The following ZBTB46 variants were observed in gnomAD, a reference collection of about 807,000 sequenced individuals.
The protein encoded by ZBTB46 is zinc finger and BTB domain-containing protein 46.
A neutral mutation model predicts 44.1 loss-of-function variants in ZBTB46; 8 were observed. The ratio of observed to expected loss-of-function variants is 0.18; its 90% CI spans 0.11 to 0.33. ZBTB46 has a LOEUF of 0.33. Ranked by LOEUF, ZBTB46 falls within the 10% of genes least tolerant of loss-of-function variation. ZBTB46 has a pLI of 1.00. For synonymous variants in ZBTB46, 409 were observed against 382.3 expected (o/e 1.07, Z -0.81); for missense variants, 651 against 847.7 (o/e 0.77, Z 2.88).
intron 1 of ZBTB46, among the ~76,000 whole-genome samples, chr20:63,809,512 C>G (rs980776910): frequency 7.2e-5 from 11 of 152,176 alleles, no homozygotes; most frequent in Non-Finnish European, 1.5e-4. Context: ...GTGGAGAGGA[C>G]TCCGGGAGAC....
intron 2 of ZBTB46, among the ~76,000 whole-genome samples, chr20:63,776,412 TCA>T (rs2092426195): frequency 6.6e-6 from 1 of 152,212 alleles, no homozygotes; most frequent in African/African-American, 2.4e-5. Context: ...CCGCATGATC[TCA>T]GATTTGGCAA....
At chr20:63,772,720 A>G (rs2092384925) in intron 3 of ZBTB46, among the ~76,000 whole-genome samples, 1 of 113,134 alleles carries the variant, frequency 8.8e-6, no homozygotes, top group Non-Finnish European at 1.8e-5. Context: ...CCCTGTCTCA[A>G]AAACACACAC....
At chr20:63,777,022 G>A (rs573226401) in intron 2 of ZBTB46, among the ~76,000 whole-genome samples, 27 of 147,126 alleles carry the variant, frequency 1.8e-4, no homozygotes, top group Admixed American at 3.4e-4. Flanking sequence ...CACACGCCAC[G>A]GTTCCACCAC....
chr20:63,749,557 C>G (rs772739039), intron 4 of ZBTB46, among the ~76,000 whole-genome samples: 1 of 152,152 alleles, frequency 6.6e-6, no homozygotes, highest in Non-Finnish European at 1.5e-5. Flanking sequence ...AGGATGGTCT[C>G]GATCTCCTGA....
At chr20:63,795,317 C>A (rs1036969022) in intron 1 of ZBTB46, among the ~76,000 whole-genome samples, 1 of 152,236 alleles carries the variant, frequency 6.6e-6, no homozygotes, top group Non-Finnish European at 1.5e-5. Flanking sequence ...GCTGGGGGCA[C>A]AAACCCACGC....
chr20:63,755,866 G>A (rs1178803743), intron 3 of ZBTB46, among the ~76,000 whole-genome samples: 2 of 152,142 alleles, frequency 1.3e-5, no homozygotes, highest in African/African-American at 4.8e-5. Flanking sequence ...ACACGGAAAC[G>A]GGCACTCTCA....
intron 2 of ZBTB46, among the ~76,000 whole-genome samples, chr20:63,786,805 C>G (rs539700881): frequency 1.3e-5 from 2 of 152,126 alleles, no homozygotes; most frequent in African/African-American, 2.4e-5. Flanking sequence ...CCACCCCGCC[C>G]GGCCTCGGAT....
At chr20:63,794,779 T>C (rs1026622860) in intron 1 of ZBTB46, among the ~76,000 whole-genome samples, 1 of 149,652 alleles carries the variant, frequency 6.7e-6, no homozygotes, top group African/African-American at 2.4e-5. Flanking sequence ...GCACCTGCCC[T>C]GGCCTGGAGG....
At chr20:63,790,965 G>T in intron 1 of ZBTB46, 175 bp from the exon 2 acceptor site, 1 of 917,112 alleles carries the variant, frequency 1.1e-6, no homozygotes, top group Non-Finnish European at 1.6e-6. Context: ...GCCTGAAGCA[G>T]GGCAGCAAAC....
intron 3 of ZBTB46, among the ~76,000 whole-genome samples, chr20:63,773,011 G>A (rs2092389993): frequency 6.6e-6 from 1 of 152,140 alleles, no homozygotes; most frequent in African/African-American, 2.4e-5. Flanking sequence ...GGCCGAGCTG[G>A]GGTATGTGTT....
At position 63,747,030 on chromosome 20, in the gene ZBTB46, GGGGCCA is replaced by G. The variant is rs1214914887; in HGVS notation, c.1664_1669del (p.Leu555_Ala556del). ...GTCGTCCGCCAACAGCGCATCCTCA[GGGGCCA>G]GGCCCTCGTCGTCCTCGCCCAGCTC... On this transcript the variant is annotated inframe_deletion, in exon 5 of 5. Transcript: ENST00000245663. 8 of 1,608,162 alleles carry G rather than the reference GGGGCCA, an allele frequency of 5.0e-6. No homozygotes were observed. The highest frequency in any genetic ancestry group is 6.8e-6 in the Non-Finnish European group (8 of 1,179,478).
intron 1 of ZBTB46, among the ~76,000 whole-genome samples, chr20:63,801,367 C>T (rs553307282): frequency 7.9e-5 from 12 of 152,220 alleles, no homozygotes; most frequent in African/African-American, 1.4e-4. Flanking sequence ...GGATTGTCAA[C>T]GCACCAATCA....
chr20:63,749,371 C>G (rs375955766), intron 4 of ZBTB46, among the ~76,000 whole-genome samples: 2 of 152,192 alleles, frequency 1.3e-5, no homozygotes, highest in South Asian at 4.1e-4. Flanking sequence ...GAGTCTCGCT[C>G]TGTCACCCAG....
chr20:63,776,490 C>T (rs1293088488), intron 2 of ZBTB46, among the ~76,000 whole-genome samples: 16 of 152,190 alleles, frequency 1.1e-4, no homozygotes, highest in Non-Finnish European at 1.5e-5. Context: ...AATTAAATGT[C>T]TGTGCTTCAA....
intron 2 of ZBTB46, among the ~76,000 whole-genome samples, chr20:63,780,893 G>A (rs1228722528): frequency 4.0e-5 from 6 of 151,724 alleles, no homozygotes; most frequent in Admixed American, 6.6e-5. Context: ...CATTTTGGGA[G>A]GCCAAGGCGG....
At chr20:63,797,332 G>A (rs967433323) in intron 1 of ZBTB46, among the ~76,000 whole-genome samples, 1 of 152,036 alleles carries the variant, frequency 6.6e-6, no homozygotes, top group Non-Finnish European at 1.5e-5. Context: ...GGACATGAAC[G>A]CATCCTTTTT....
intron 1 of ZBTB46, among the ~76,000 whole-genome samples, chr20:63,820,246 A>T (rs747444228): frequency 2.7e-4 from 41 of 151,928 alleles, no homozygotes; most frequent in Non-Finnish European, 5.3e-4. Flanking sequence ...GGCACCCGCC[A>T]CCACACCCAG....
intron 3 of ZBTB46, chr20:63,775,329 G>A (rs1249332202): frequency 9.0e-6 from 2 of 221,700 alleles, no homozygotes; most frequent in Admixed American, 5.6e-5. Flanking sequence ...GGGGGCGCCC[G>A]AGCCCGTCTC....
intron 1 of ZBTB46, among the ~76,000 whole-genome samples, chr20:63,824,433 G>A (rs1310803047): frequency 2.6e-5 from 4 of 152,100 alleles, no homozygotes; most frequent in Non-Finnish European, 5.9e-5. Flanking sequence ...GCCACACCAA[G>A]ACAAGAAAGA....
Sources: gnomAD v4.1 joint callset for allele counts (sites outside exome capture counted in the v4.1 genomes callset) on GRCh38, gnomAD v4.1.1 for gene constraint, MANE v1.5 for transcripts, NCBI Gene and HGNC (gene_info 2026-07-23, HGNC 2026-07-21) for gene names.